SNCAIP: variants seen among roughly 807,000 people sequenced by gnomAD.
SNCAIP encodes synphilin-1.
Under a neutral mutation model 86.7 loss-of-function variants are expected in SNCAIP, and 43 were observed. The observed-to-expected ratio is 0.50, with a 90% confidence interval of 0.39 to 0.64. SNCAIP has a LOEUF of 0.64. Ranked by LOEUF, SNCAIP falls within the 30% of genes least tolerant of loss-of-function variation. The pLI is 0.00. For synonymous variants in SNCAIP, 417 were observed against 427.2 expected (o/e 0.98, Z 0.29); for missense variants, 981 against 1,103.1 (o/e 0.89, Z 1.57).
chr5:122,373,321 A>C (rs559405453), intron 1 of SNCAIP, among the ~76,000 whole-genome samples: 2 of 152,270 alleles, frequency 1.3e-5, no homozygotes, highest in South Asian at 4.1e-4. Flanking sequence ...TCAGCATCTC[A>C]TCACTGGAGC....
chr5:122,367,119 G>T (rs1396841418), intron 1 of SNCAIP, among the ~76,000 whole-genome samples: 1 of 152,018 alleles, frequency 6.6e-6, no homozygotes, highest in East Asian at 1.9e-4. Flanking sequence ...TTAAGTTTGA[G>T]TTGGGAGCCT....
chr5:122,387,760 A>G (rs1254502233), intron 1 of SNCAIP, among the ~76,000 whole-genome samples: 1 of 152,196 alleles, frequency 6.6e-6, no homozygotes, highest in African/African-American at 2.4e-5. Flanking sequence ...ACTTCGTAAC[A>G]TTTTATTAAG....
At chr5:122,361,387 GCA>G (rs1561580313) in intron 1 of SNCAIP, among the ~76,000 whole-genome samples, 1 of 148,940 alleles carries the variant, frequency 6.7e-6, no homozygotes, top group Non-Finnish European at 1.5e-5. Flanking sequence ...CGTGAATCCT[GCA>G]TCTCTCACAA....
chr5:122,459,498 C>A (rs753614201), intron 10 of SNCAIP, among the ~76,000 whole-genome samples: 1 of 152,140 alleles, frequency 6.6e-6, no homozygotes, highest in Non-Finnish European at 1.5e-5. Flanking sequence ...CAAACACTTT[C>A]GTTCTTTGAA....
chr5:122,347,841 T>C (rs749545674), intron 1 of SNCAIP, among the ~76,000 whole-genome samples: 16 of 152,082 alleles, frequency 1.1e-4, no homozygotes, highest in Non-Finnish European at 1.8e-4. Flanking sequence ...GAAGGCAAAG[T>C]TGAATTTGGG....
intron 1 of SNCAIP, among the ~76,000 whole-genome samples, chr5:122,338,798 C>T (rs1756999400): frequency 6.6e-6 from 1 of 152,144 alleles, no homozygotes; most frequent in Non-Finnish European, 1.5e-5. Flanking sequence ...AAAGAATGCT[C>T]ATTTCCTAAA....
At chr5:122,315,063 T>C (rs1392280052) in intron 1 of SNCAIP, among the ~76,000 whole-genome samples, 1 of 152,240 alleles carries the variant, frequency 6.6e-6, no homozygotes, top group Non-Finnish European at 1.5e-5. Flanking sequence ...AAATGTTATA[T>C]CAGTTATTCA....
rs144814131 is a variant in SNCAIP, at chr5:122,400,254, A to G, written c.58-3539A>G. ...AAGGCTTCATGTGCCATGCTAAGGC[A>G]TATGGTCTTTGTCCTATAGGCTGTG... is the stretch of plus-strand genomic sequence containing the variant. On this transcript the variant is annotated intron_variant, in intron 2 of 10. Coordinates refer to ENST00000261368, the MANE Select transcript of SNCAIP (RefSeq NM_005460.4). Among the ~76,000 whole-genome samples, 225 of 152,288 alleles carry G rather than the reference A, an allele frequency of 1.5e-3. 1 individual carries two copies. Among genetic ancestry groups the G allele is most frequent in the African/African-American group, 4.9e-3 (204 of 41,570 alleles).
chr5:122,319,357 A>G (rs945721354), intron 1 of SNCAIP, among the ~76,000 whole-genome samples: 2 of 152,210 alleles, frequency 1.3e-5, no homozygotes, highest in Admixed American at 6.5e-5. Flanking sequence ...GCTGCCAGAA[A>G]ATAAAAGCGT....
At chr5:122,458,762 T>C (rs1285404370) in intron 10 of SNCAIP, among the ~76,000 whole-genome samples, 1 of 152,170 alleles carries the variant, frequency 6.6e-6, no homozygotes, top group Admixed American at 6.5e-5. Context: ...CCTGATTCCT[T>C]CACTCAGGGA....
intron 6 of SNCAIP, among the ~76,000 whole-genome samples, chr5:122,440,045 G>A (rs1339795546): frequency 6.6e-6 from 1 of 152,178 alleles, no homozygotes; most frequent in Admixed American, 6.5e-5. Flanking sequence ...AGAAAATCAA[G>A]AGGGTCCTGG....
At chr5:122,354,497 A>G (rs1450735088) in intron 1 of SNCAIP, among the ~76,000 whole-genome samples, 1 of 152,152 alleles carries the variant, frequency 6.6e-6, no homozygotes, top group Non-Finnish European at 1.5e-5. Context: ...TCAGGCTCTC[A>G]TCTGCATGTC....
intron 1 of SNCAIP, among the ~76,000 whole-genome samples, chr5:122,376,113 A>G (rs367766174): frequency 3.9e-5 from 6 of 152,162 alleles, no homozygotes; most frequent in African/African-American, 1.4e-4. Flanking sequence ...TGTTTTAATA[A>G]GCCATCTGAG....
intron 1 of SNCAIP, among the ~76,000 whole-genome samples, chr5:122,378,732 G>T (rs1765948969): frequency 7.5e-6 from 1 of 134,204 alleles, no homozygotes; most frequent in South Asian, 2.9e-4. Context: ...GTGTAAGGAA[G>T]GGATCCAGTT....
At chr5:122,423,832 G>C (rs1283586484) in intron 4 of SNCAIP, 93 bp downstream of exon 4, 2 of 1,205,244 alleles carry the variant, frequency 1.7e-6, no homozygotes, top group African/African-American at 3.0e-5. Flanking sequence ...TGCTGCATTT[G>C]TTTTGGTTTT....
chr5:122,437,773 C>G (rs1779854059), intron 6 of SNCAIP, among the ~76,000 whole-genome samples: 1 of 152,182 alleles, frequency 6.6e-6, no homozygotes, highest in Non-Finnish European at 1.5e-5. Context: ...GACTTGGAGG[C>G]CCCCTCAGGG....
chr5:122,353,015 C>A (rs369959053), intron 1 of SNCAIP, among the ~76,000 whole-genome samples: 1 of 152,144 alleles, frequency 6.6e-6, no homozygotes, highest in South Asian at 2.1e-4. Context: ...GATGACATTG[C>A]GTAGGCTCTA....
chr5:122,327,595 T>C (rs1754371060), intron 1 of SNCAIP, among the ~76,000 whole-genome samples: 1 of 152,158 alleles, frequency 6.6e-6, no homozygotes, highest in African/African-American at 2.4e-5. Context: ...TCTTTCTCTC[T>C]CCTGTCACCT....
rs373891275 is a variant in SNCAIP at position 122,444,636 on chromosome 5, G to A, written c.1496G>A (p.Arg499Gln). 17 of 1,613,924 alleles carry A rather than the reference G, an allele frequency of 1.1e-5. No homozygotes were observed. The highest frequency in any genetic ancestry group is 3.3e-5 in the Admixed American group (2 of 59,978). Reference sequence around the variant, plus strand: ...GAAAAGCCCTCCCAGAGCGCCGAGCGGCAGGGGCACACCCTGTGCTCCAGG... The same window carrying A: ...GAAAAGCCCTCCCAGAGCGCCGAGCAGCAGGGGCACACCCTGTGCTCCAGG... ...AGEKPSQSAE[R>Q]QGHTLCSRYL... is the part of the protein sequence containing the mutation. The change falls in exon 8 of 11, where the codon CGG (arginine) becomes CAG (glutamine). Residue 499 changes from arginine to glutamine, a missense_variant. Coordinates refer to ENST00000261368, the MANE Select transcript of SNCAIP (RefSeq NM_005460.4).
Sources: gnomAD v4.1 joint callset for allele counts (sites outside exome capture counted in the v4.1 genomes callset) on GRCh38, gnomAD v4.1.1 for gene constraint, MANE v1.5 for transcripts, NCBI Gene and HGNC (gene_info 2026-07-23, HGNC 2026-07-21) for gene names.